AWAT1: variants seen among roughly 807,000 people sequenced by gnomAD.
AWAT1 encodes the protein acyl-CoA wax alcohol acyltransferase 1.
Under a neutral mutation model 21.6 loss-of-function variants are expected in AWAT1, and 26 were observed. The ratio of observed to expected loss-of-function variants is 1.20; its 90% CI spans 0.88 to 1.67. The LOEUF is 1.67. Among genes scored for constraint, AWAT1 ranks in the 40% most tolerant of loss-of-function variants. The pLI is 0.00. For missense variants in AWAT1, 264 were observed against 249.4 expected (o/e 1.06, Z -0.39); for synonymous variants, 102 against 99.3 (o/e 1.03, Z -0.16).
chrX:70,237,321 C>A, intron 4 of AWAT1, 73 bp downstream of exon 4: 2 of 899,202 alleles, frequency 2.2e-6, no homozygotes, highest in Non-Finnish European at 3.1e-6. Flanking sequence ...TAAATTCCAT[C>A]CCCTCCTCCC....
At chrX:70,237,850 A>G (rs1477919385) in intron 4 of AWAT1, among the ~76,000 whole-genome samples, 1 of 106,721 alleles carries the variant, frequency 9.4e-6, no homozygotes, top group Non-Finnish European at 1.9e-5. Context: ...AAAAAAAAAA[A>G]AAAAAAGAAT....
At chrX:70,239,215 C>T (rs752233412) in intron 5 of AWAT1, among the ~76,000 whole-genome samples, 2 of 112,456 alleles carry the variant, frequency 1.8e-5, no homozygotes, top group Non-Finnish European at 3.8e-5. Context: ...GTGCCCTCCA[C>T]GGCCTTTGCT....
At position 70,239,867 on chromosome X, in the gene AWAT1, C is replaced by A. The variant is rs1181696908; in HGVS notation, c.765C>A (p.Phe255Leu). ...TCTTTGGTTTCTACTGTTGTGTCTTCTATGGACAAAGCTTCTGTCAAGGCT... is the reference window on the plus strand; with the variant it reads ...TCTTTGGTTTCTACTGTTGTGTCTTATATGGACAAAGCTTCTGTCAAGGCT... ...RRIFGFYCCVFYGQSFCQGST... is the reference protein window; with the variant it reads ...RRIFGFYCCVLYGQSFCQGST... Residue 255 changes from phenylalanine to leucine, a missense_variant, in exon 6 of 7, where the codon TTC (phenylalanine) becomes TTA (leucine). Transcript: ENST00000374521. 8.3e-7 allele frequency: 1 copy of A among 1,208,920 alleles called. No homozygotes were observed. Among genetic ancestry groups the A allele is most frequent in the South Asian group, 1.8e-5 (1 of 56,779 alleles).
At chrX:70,239,065 G>A (rs1241264604) in intron 5 of AWAT1, among the ~76,000 whole-genome samples, 2 of 112,227 alleles carry the variant, frequency 1.8e-5, no homozygotes, top group Non-Finnish European at 3.8e-5. Context: ...CTTGCCTGAA[G>A]GGCCTGTTCA....
rs1166400428 is a variant in AWAT1, at chrX:70,240,543, G to C, written c.*253G>C. 10 of 362,223 alleles carry C rather than the reference G, an allele frequency of 2.8e-5. No homozygotes were observed. Among genetic ancestry groups the C allele is most frequent in the Non-Finnish European group, 4.8e-5 (10 of 208,631 alleles). The allele number at this position is 362,223 out of a possible 1,213,427, so 29.9% of individuals were successfully genotyped here. On this transcript the variant is annotated 3_prime_UTR_variant, in exon 7 of 7. Transcript: ENST00000374521. ...GGCCTGATGCCTGGTCATCATTTGA[G>C]TCCTCTGGGACACATTAGCAGTCAC... is the stretch of plus-strand genomic sequence containing the variant.
At chrX:70,238,113 C>A in intron 4 of AWAT1, 99 bp from the exon 5 acceptor site, 1 of 887,808 alleles carries the variant, frequency 1.1e-6, no homozygotes. Flanking sequence ...TCCTCTCCTC[C>A]TTGGAACTAT....
chrX:70,240,047 C>A (rs1402702249), intron 6 of AWAT1, 89 bp from the exon 7 acceptor site: 1 of 1,143,806 alleles, frequency 8.7e-7, no homozygotes, highest in East Asian at 3.0e-5. Context: ...ATCTGGGATG[C>A]GAGAGTCAGG....
intron 5 of AWAT1, 26 bp downstream of exon 5, chrX:70,238,409 T>C (rs2085524385): frequency 8.7e-7 from 1 of 1,151,335 alleles, no homozygotes. Flanking sequence ...AGAGGGGCAG[T>C]GCATGGTGTT....
Position 70,238,259 on chromosome X carries a change from G to A in AWAT1, c.508G>A (p.Gly170Ser), listed in dbSNP as rs138791007. 12 of 1,209,065 alleles carry A rather than the reference G, an allele frequency of 9.9e-6. No individual in the cohort carries two copies. Among genetic ancestry groups the A allele is most frequent in the Non-Finnish European group, 1.3e-5 (12 of 894,494 alleles). Residue 170 changes from glycine to serine, a missense_variant, in exon 5 of 7, where the codon GGC becomes AGC. Coordinates refer to ENST00000374521, the MANE Select transcript of AWAT1 (RefSeq NM_001013579.3). ...AGCCATCAACTATCTGCTGAGCCAT[G>A]GCACTGGCAACCTCGTGGGCATTGT... is the stretch of plus-strand genomic sequence containing the variant. ...QPAINYLLSH[G>S]TGNLVGIVVG...
intron 4 of AWAT1, among the ~76,000 whole-genome samples, chrX:70,237,831 CAAAAAAAAAAAAAAA>C (rs34212707): frequency 5.2e-5 from 1 of 19,376 alleles, no homozygotes; most frequent in African/African-American, 2.2e-4. Context: ...AACTCTGTCT[CAAAAAAAAAAAAAAA>C]AAAAAAAAAA....
At chrX:70,236,900 A>C (rs1255348567) in intron 3 of AWAT1, 144 bp from the exon 4 acceptor site, 2 of 520,154 alleles carry the variant, frequency 3.8e-6, no homozygotes, top group Non-Finnish European at 6.3e-6. Context: ...AGAGACCAAT[A>C]TCTCAGCCCT....
Position 70,240,213 on chromosome X carries a change from G to T in AWAT1, c.910G>T (p.Asp304Tyr), listed in dbSNP as rs1157549820. The part of the protein sequence containing the change: ...MVDKYHALYM[D>Y]ALHKLFDQHK... Reference sequence around the variant, plus strand: ...GGACAAATACCATGCACTTTATATGGATGCTCTGCACAAACTGTTCGACCA... The same window carrying T: ...GGACAAATACCATGCACTTTATATGTATGCTCTGCACAAACTGTTCGACCA... Residue 304 changes from aspartate (D) to tyrosine (Y), a missense_variant, in exon 7 of 7, where the codon GAT becomes TAT. Coordinates refer to ENST00000374521, the MANE Select transcript of AWAT1 (RefSeq NM_001013579.3). 4.1e-6 allele frequency: 5 copies of T among 1,209,601 alleles called. No individual in the cohort carries two copies. Among genetic ancestry groups the T allele is most frequent in the South Asian group, 1.8e-5 (1 of 56,784 alleles).
At chrX:70,236,190 C>T in intron 3 of AWAT1, 51 bp downstream of exon 3, 1 of 979,432 alleles carries the variant, frequency 1.0e-6, no homozygotes, top group Non-Finnish European at 1.5e-6. Context: ...ACTGGGTAGG[C>T]ATTTATACCA....
chrX:70,236,324 C>T (rs182767473), intron 3 of AWAT1, among the ~76,000 whole-genome samples, 185 bp downstream of exon 3: 1 of 111,608 alleles, frequency 9.0e-6, no homozygotes, highest in South Asian at 3.8e-4. Flanking sequence ...CTTTGGACAC[C>T]CTTGGCATCA....
At position 70,237,248 on chromosome X, in the gene AWAT1, G is replaced by A. The variant is rs2085518193; in HGVS notation, c.460G>A (p.Gly154Ser). ...PFVREYLMAK[G>S]VCSVSQPAIN... ...TGTTAGGGAGTACCTCATGGCCAAAGGTGCTTCTGACCATACTTACTGGAG... is the reference window on the plus strand; with the variant it reads ...TGTTAGGGAGTACCTCATGGCCAAAAGTGCTTCTGACCATACTTACTGGAG... The change falls in exon 4 of 7, where the codon GGT becomes AGT. Residue 154 changes from glycine to serine, a missense_variant and splice_region_variant. By Grantham distance (56) the Gly-to-Ser change is moderately conservative (BLOSUM62 0). Coordinates refer to ENST00000374521, the MANE Select transcript of AWAT1 (RefSeq NM_001013579.3). The A allele has an allele frequency of 8.3e-7, 1 of 1,198,404 alleles. No homozygotes were observed. The highest frequency in any genetic ancestry group is 1.1e-6 in the Non-Finnish European group (1 of 887,488).
chrX:70,236,963 T>A, intron 3 of AWAT1, 81 bp from the exon 4 acceptor site: 1 of 918,382 alleles, frequency 1.1e-6, no homozygotes, highest in Non-Finnish European at 1.5e-6. Context: ...GAGAGCACCC[T>A]GATCCCTGAA....
chrX:70,236,039 C>G (rs1189689730), intron 2 of AWAT1, 30 bp from the exon 3 acceptor site: 1 of 1,158,272 alleles, frequency 8.6e-7, no homozygotes, highest in Admixed American at 2.2e-5. Flanking sequence ...CACACACTGA[C>G]ATCATCCCCT....
At chrX:70,238,097 C>G (rs2085522460) in intron 4 of AWAT1, 115 bp from the exon 5 acceptor site, 1 of 724,113 alleles carries the variant, frequency 1.4e-6, no homozygotes, top group Admixed American at 3.1e-5. Flanking sequence ...AGTCCCATCT[C>G]ATTGCTCCTC....
chrX:70,238,160 C>T, intron 4 of AWAT1, 52 bp from the exon 5 acceptor site: 3 of 1,134,811 alleles, frequency 2.6e-6, no homozygotes, highest in Non-Finnish European at 3.6e-6. Flanking sequence ...AGAGTGTTCC[C>T]TCTTAGCAAT....
Sources: allele counts gnomAD v4.1 joint callset (sites outside exome capture counted in the v4.1 genomes callset), GRCh38; gene constraint gnomAD v4.1.1; transcripts MANE v1.5; gene names NCBI Gene and HGNC (gene_info 2026-07-23, HGNC 2026-07-21).